The following FRMD4B variants were observed in gnomAD, a reference collection of about 807,000 sequenced individuals.
FRMD4B encodes FERM domain containing 4B.
In FRMD4B, 74 loss-of-function variants were observed where a neutral mutation model predicts 141.5. That is an observed-to-expected ratio of 0.52 (90% confidence interval 0.43 to 0.63). FRMD4B has a LOEUF of 0.63. Among genes scored for constraint, FRMD4B ranks in the 30% least tolerant of loss-of-function variants. The probability of loss-of-function intolerance (pLI) is 0.00; values close to 1 mark genes in which losing one functional copy is unlikely to be tolerated. For synonymous variants in FRMD4B, 506 were observed against 467.9 expected (o/e 1.08, Z -1.05); for missense variants, 1,366 against 1,253.4 (o/e 1.09, Z -1.36).
chr3:69,207,188 C>A (rs1041830094), intron 11 of FRMD4B, among the ~76,000 whole-genome samples: 1 of 151,844 alleles, frequency 6.6e-6, no homozygotes, highest in Non-Finnish European at 1.5e-5. Context: ...GCCTATAGTC[C>A]TAGCTACTTG....
At chr3:69,173,970 C>G (rs956334919) in intron 22 of FRMD4B, among the ~76,000 whole-genome samples, 2 of 152,062 alleles carry the variant, frequency 1.3e-5, no homozygotes, top group African/African-American at 4.8e-5. Flanking sequence ...AACCCTGTCT[C>G]TATTAAAAAT....
At chr3:69,342,908 G>C (rs1350976583) in intron 1 of FRMD4B, among the ~76,000 whole-genome samples, 2 of 152,160 alleles carry the variant, frequency 1.3e-5, no homozygotes, top group African/African-American at 2.4e-5. Flanking sequence ...TAGGAAGGGT[G>C]GGGGAAGGAG....
At chr3:69,295,722 C>T (rs1701014442) in intron 4 of FRMD4B, among the ~76,000 whole-genome samples, 1 of 152,204 alleles carries the variant, frequency 6.6e-6, no homozygotes, top group Admixed American at 6.5e-5. Context: ...TCCTCAGTGT[C>T]AATAGTGCTG....
At chr3:69,280,966 T>A (rs2093642083) in intron 5 of FRMD4B, among the ~76,000 whole-genome samples, 1 of 151,730 alleles carries the variant, frequency 6.6e-6, no homozygotes, top group Non-Finnish European at 1.5e-5. Context: ...GTTTCACTCT[T>A]GTTGCCCATG....
chr3:69,471,579 T>C (rs917200792), intron 1 of FRMD4B: 2 of 229,002 alleles, frequency 8.7e-6, no homozygotes, highest in Non-Finnish European at 1.8e-5. Flanking sequence ...AACTTAATTG[T>C]TCATATGCCC....
At chr3:69,499,586 T>C (rs1706459037) in intron 1 of FRMD4B, among the ~76,000 whole-genome samples, 2 of 152,160 alleles carry the variant, frequency 1.3e-5, no homozygotes, top group South Asian at 2.1e-4. Context: ...GATGATGCAA[T>C]CCACATCTCT....
At chr3:69,479,651 AT>A (rs1032579248) in intron 1 of FRMD4B, among the ~76,000 whole-genome samples, 3 of 151,910 alleles carry the variant, frequency 2.0e-5, no homozygotes, top group African/African-American at 7.3e-5. Flanking sequence ...TTTTTCCTTC[AT>A]TTCAACTTTG....
intron 4 of FRMD4B, among the ~76,000 whole-genome samples, chr3:69,296,405 T>C (rs927221774): frequency 6.6e-6 from 1 of 151,944 alleles, no homozygotes; most frequent in African/African-American, 2.4e-5. Context: ...TTCTGAGGAT[T>C]CCGTGTCTTT....
At chr3:69,485,651 C>A (rs1449178007) in intron 1 of FRMD4B, among the ~76,000 whole-genome samples, 1 of 152,214 alleles carries the variant, frequency 6.6e-6, no homozygotes, top group Non-Finnish European at 1.5e-5. Context: ...GGCCCAGCCC[C>A]CTCACAGCCT....
intron 3 of FRMD4B, among the ~76,000 whole-genome samples, chr3:69,305,575 T>C (rs1701364724): frequency 6.6e-6 from 1 of 152,130 alleles, no homozygotes; most frequent in African/African-American, 2.4e-5. Flanking sequence ...AAAGTTTTCT[T>C]AGGAAAGATG....
intron 1 of FRMD4B, among the ~76,000 whole-genome samples, chr3:69,458,221 G>A (rs1302659160): frequency 1.3e-5 from 2 of 152,190 alleles, no homozygotes; most frequent in African/African-American, 4.8e-5. Flanking sequence ...GAGCTCATTA[G>A]CTTCTAGGAT....
chr3:69,229,092 C>A (rs2093282147), intron 7 of FRMD4B, among the ~76,000 whole-genome samples: 2 of 143,630 alleles, frequency 1.4e-5, no homozygotes, highest in Admixed American at 1.5e-4. Context: ...GTGGCTCAAT[C>A]ATGGCTCACT....
rs1360165227 is a variant in FRMD4B at position 69,171,088 on chromosome 3, T to C, written c.*773A>G. 1 of 152,204 alleles carries C rather than the reference T, an allele frequency of 6.6e-6. No individual in the cohort carries two copies. Among genetic ancestry groups the C allele is most frequent in the Non-Finnish European group, 1.5e-5 (1 of 68,040 alleles). The allele number at this position is 152,204 out of a possible 1,614,324, so 9.4% of individuals were successfully genotyped here. Reference sequence around the variant, plus strand: ...GAACAATAGCTCATCACGCAATTAGTGGAGAAAGGAAAAAGGAGCTCCATG... The same window carrying C: ...GAACAATAGCTCATCACGCAATTAGCGGAGAAAGGAAAAAGGAGCTCCATG... On this transcript the variant is annotated 3_prime_UTR_variant, in exon 23 of 23. Coordinates refer to ENST00000398540, the MANE Select transcript of FRMD4B (RefSeq NM_015123.3).
intron 5 of FRMD4B, among the ~76,000 whole-genome samples, chr3:69,270,569 C>CTTTTTTTT (rs57693333): frequency 2.8e-5 from 4 of 144,830 alleles, no homozygotes; most frequent in African/African-American, 7.7e-5. Context: ...TTCTTTTTTT[C>CTTTTTTTT]TTTTTTTTTT....
chr3:69,198,309 A>G, intron 12 of FRMD4B: 1 of 171,092 alleles, frequency 5.8e-6, no homozygotes, highest in Non-Finnish European at 1.2e-5. Flanking sequence ...GGAATAGCTA[A>G]GCAGCACATG....
At chr3:69,238,052 C>A (rs1437708611) in intron 7 of FRMD4B, among the ~76,000 whole-genome samples, 1 of 152,152 alleles carries the variant, frequency 6.6e-6, no homozygotes, top group Non-Finnish European at 1.5e-5. Flanking sequence ...CTTAAGGTGG[C>A]CATCCTAGGC....
intron 1 of FRMD4B, among the ~76,000 whole-genome samples, chr3:69,355,219 A>G (rs1703278676): frequency 6.6e-6 from 1 of 152,174 alleles, no homozygotes; most frequent in African/African-American, 2.4e-5. Context: ...AAATTATCCT[A>G]TCAAGAGGGA....
chr3:69,496,637 A>AAGAGAGAGAGAGAGAGAGAGAG (rs1169584495), intron 1 of FRMD4B, among the ~76,000 whole-genome samples: 3 of 56,474 alleles, frequency 5.3e-5, no homozygotes, highest in Non-Finnish European at 9.8e-5. Flanking sequence ...GAGAGAGAGA[A>AAGAGAGAGAGAGAGAGAGAGAG]AGAGAGAGAG....
At chr3:69,340,588 C>A (rs1274054549) in intron 1 of FRMD4B, among the ~76,000 whole-genome samples, 2 of 152,198 alleles carry the variant, frequency 1.3e-5, no homozygotes, top group African/African-American at 2.4e-5. Context: ...GGCTTAGATG[C>A]TTTGCTAGTG....
Sources: gnomAD v4.1 joint callset for allele counts (sites outside exome capture counted in the v4.1 genomes callset) on GRCh38, gnomAD v4.1.1 for gene constraint, MANE v1.5 for transcripts, NCBI Gene and HGNC (gene_info 2026-07-23, HGNC 2026-07-21) for gene names.